Variants in SLC4A10 observed in about 807,000 individuals in gnomAD.
SLC4A10 encodes the protein sodium-driven chloride bicarbonate exchanger.
In SLC4A10, 42 loss-of-function variants were observed where a neutral mutation model predicts 137.7. The observed-to-expected ratio is 0.30, with a 90% CI of 0.24 to 0.39. The LOEUF (loss-of-function observed/expected upper bound fraction) is 0.39. Ranked by LOEUF, SLC4A10 falls within the 10% of genes least tolerant of loss-of-function variation. The probability of loss-of-function intolerance (pLI) is 1.00; values close to 1 mark genes in which losing one functional copy is unlikely to be tolerated. For synonymous variants in SLC4A10, 474 were observed against 464.1 expected, an observed-to-expected ratio of 1.02 and a Z score of -0.27; for missense variants, 925 against 1,355.0, an observed-to-expected ratio of 0.68 and a Z score of 4.98.
At chr2:161,802,484 G>C (rs1348633108) in intron 2 of SLC4A10, among the ~76,000 whole-genome samples, 1 of 151,982 alleles carries the variant, frequency 6.6e-6, no homozygotes, top group Non-Finnish European at 1.5e-5. Flanking sequence ...CCCTTTCAAA[G>C]AAACACTATC....
chr2:161,962,565 C>T (rs1696901720), intron 21 of SLC4A10, among the ~76,000 whole-genome samples: 2 of 152,026 alleles, frequency 1.3e-5, no homozygotes, highest in Admixed American at 6.6e-5. Context: ...AACTTAATGA[C>T]ATGTACATGG....
At chr2:161,693,487 A>G (rs1317521482) in intron 1 of SLC4A10, among the ~76,000 whole-genome samples, 1 of 151,976 alleles carries the variant, frequency 6.6e-6, no homozygotes, top group African/African-American at 2.4e-5. Context: ...CTCATCCAGC[A>G]AAGATTTGCA....
At chr2:161,830,974 G>A (rs2058397502) in intron 3 of SLC4A10, among the ~76,000 whole-genome samples, 1 of 152,112 alleles carries the variant, frequency 6.6e-6, no homozygotes, top group South Asian at 2.1e-4. Context: ...GTTTTACAAA[G>A]ATGATTAGGT....
At chr2:161,755,991 G>C (rs796475983) in intron 1 of SLC4A10, among the ~76,000 whole-genome samples, 1 of 151,862 alleles carries the variant, frequency 6.6e-6, no homozygotes, top group Non-Finnish European at 1.5e-5. Context: ...GGGTGATCTC[G>C]AACTCCTGAC....
At chr2:161,802,872 C>T (rs1385647291) in intron 2 of SLC4A10, among the ~76,000 whole-genome samples, 1 of 152,060 alleles carries the variant, frequency 6.6e-6, no homozygotes, top group Non-Finnish European at 1.5e-5. Context: ...TCCAGCCCCA[C>T]TCCTATGGCC....
intron 6 of SLC4A10, among the ~76,000 whole-genome samples, chr2:161,863,502 A>G (rs918432738): frequency 6.6e-6 from 1 of 152,230 alleles, no homozygotes; most frequent in African/African-American, 2.4e-5. Context: ...CATGTTGCTC[A>G]TAGTCAACAA....
chr2:161,940,924 C>T (rs928536938), intron 15 of SLC4A10, among the ~76,000 whole-genome samples: 5 of 152,042 alleles, frequency 3.3e-5, no homozygotes, highest in African/African-American at 4.8e-5. Flanking sequence ...GGCAACATAA[C>T]AAGACTCTGT....
intron 11 of SLC4A10, among the ~76,000 whole-genome samples, chr2:161,898,869 G>A (rs543284263): frequency 6.6e-6 from 1 of 152,166 alleles, no homozygotes; most frequent in East Asian, 1.9e-4. Context: ...CCTCAAGTGA[G>A]CCCTTTGTGT....
chr2:161,824,863 T>C (rs2057909375), intron 3 of SLC4A10, among the ~76,000 whole-genome samples: 2 of 152,170 alleles, frequency 1.3e-5, no homozygotes, highest in South Asian at 4.1e-4. Flanking sequence ...ACATCAAGTG[T>C]GTCTGCCTCT....
At chr2:161,627,756 G>T (rs1277986969) in intron 1 of SLC4A10, among the ~76,000 whole-genome samples, 1 of 152,090 alleles carries the variant, frequency 6.6e-6, no homozygotes, top group Non-Finnish European at 1.5e-5. Flanking sequence ...TAAGTGTATA[G>T]TCTGGTTTTG....
intron 1 of SLC4A10, among the ~76,000 whole-genome samples, chr2:161,685,412 C>T (rs2041279903): frequency 6.6e-6 from 1 of 152,010 alleles, no homozygotes; most frequent in African/African-American, 2.4e-5. Context: ...TGGAGATCAG[C>T]CTGGCCAACA....
chr2:161,696,964 T>C (rs1283870033), intron 1 of SLC4A10, among the ~76,000 whole-genome samples: 6 of 152,070 alleles, frequency 3.9e-5, no homozygotes, highest in East Asian at 1.9e-4. Flanking sequence ...CTCTCCAGCA[T>C]CTGTTGTTTC....
chr2:161,895,669 A>G (rs1303836599), intron 11 of SLC4A10, among the ~76,000 whole-genome samples: 1 of 152,154 alleles, frequency 6.6e-6, no homozygotes, highest in African/African-American at 2.4e-5. Flanking sequence ...ACCAGTGATG[A>G]TGAGCATTTT....
intron 4 of SLC4A10, among the ~76,000 whole-genome samples, chr2:161,843,553 C>T (rs1332371729): frequency 1.3e-5 from 2 of 152,018 alleles, no homozygotes; most frequent in African/African-American, 2.4e-5. Flanking sequence ...TTAACAGAGA[C>T]ACAATGATTC....
chr2:161,975,333 T>C (rs1214745884), intron 24 of SLC4A10, among the ~76,000 whole-genome samples: 1 of 152,206 alleles, frequency 6.6e-6, no homozygotes, highest in African/African-American at 2.4e-5. Context: ...TGTGGTTAAA[T>C]AAGTTTGAAA....
intron 3 of SLC4A10, among the ~76,000 whole-genome samples, chr2:161,825,590 C>T (rs1466473801): frequency 2.0e-5 from 3 of 152,180 alleles, no homozygotes; most frequent in Non-Finnish European, 4.4e-5. Flanking sequence ...CTCTCTCTCT[C>T]TTCTCCCCGC....
At chr2:161,942,416 A>T (rs1692881444) in intron 15 of SLC4A10, among the ~76,000 whole-genome samples, 1 of 152,164 alleles carries the variant, frequency 6.6e-6, no homozygotes, top group Non-Finnish European at 1.5e-5. Flanking sequence ...ATTATATGCC[A>T]GTTATAAATC....
At position 161,715,529 on chromosome 2, in the gene SLC4A10, T is replaced by C. The variant is rs551165426; in HGVS notation, c.49-55444T>C. ...ACACCCCTCAGCAGACCCCAGTGTG[T>C]GTTTTTCCCCTGCCTGTGTCCATGT... On this transcript the variant is annotated intron_variant, in intron 1 of 26. Transcript: ENST00000446997. Among the ~76,000 whole-genome samples the C allele has an allele frequency of 5.7e-4, 86 of 152,142 alleles. 1 individual carries two copies. The highest frequency in any genetic ancestry group is 1.5e-3 in the African/African-American group (63 of 41,526).
chr2:161,909,585 C>A (rs1269841759), intron 15 of SLC4A10, among the ~76,000 whole-genome samples: 1 of 152,194 alleles, frequency 6.6e-6, no homozygotes, highest in Non-Finnish European at 1.5e-5. Flanking sequence ...TTCCTCACTG[C>A]ACTGGTTCTT....
Sources: allele counts gnomAD v4.1 joint callset (sites outside exome capture counted in the v4.1 genomes callset), GRCh38; gene constraint gnomAD v4.1.1; transcripts MANE v1.5; gene names NCBI Gene and HGNC (gene_info 2026-07-23, HGNC 2026-07-21).